Variants in STOX2 observed in about 807,000 individuals in gnomAD.
STOX2 encodes storkhead-box protein 2.
A neutral mutation model predicts 60.9 loss-of-function variants in STOX2; 28 were observed. The ratio of observed to expected loss-of-function variants is 0.46; its 90% CI spans 0.34 to 0.63. The LOEUF (loss-of-function observed/expected upper bound fraction) is 0.63, where lower values mean the gene tolerates loss of function less well. Ranked by LOEUF, STOX2 falls within the 30% of genes least tolerant of loss-of-function variation. The probability of loss-of-function intolerance (pLI) is 0.01; values close to 1 mark genes in which losing one functional copy is unlikely to be tolerated. For synonymous variants in STOX2, 472 were observed against 463.9 expected, an observed-to-expected ratio of 1.02 and a Z score of -0.22; for missense variants, 1,024 against 1,187.7, an observed-to-expected ratio of 0.86 and a Z score of 2.03.
chr4:183,880,970 G>A (rs919927048), intron 1 of STOX2, among the ~76,000 whole-genome samples: 2 of 152,100 alleles, frequency 1.3e-5, no homozygotes, highest in Non-Finnish European at 2.9e-5. Flanking sequence ...AGCTGTTAAC[G>A]TCTGTCTCAT....
At chr4:183,884,413 G>A (rs1042065114) in intron 1 of STOX2, among the ~76,000 whole-genome samples, 1 of 152,104 alleles carries the variant, frequency 6.6e-6, no homozygotes, top group African/African-American at 2.4e-5. Context: ...TGAGGCGGAT[G>A]GATCGCTTGA....
chr4:183,876,113 A>T (rs1289899859), intron 1 of STOX2, among the ~76,000 whole-genome samples: 3 of 152,176 alleles, frequency 2.0e-5, no homozygotes, highest in Non-Finnish European at 4.4e-5. Context: ...TGAGTTCTCC[A>T]AGAGGTGCAG....
At chr4:183,965,569 T>G (rs1355369833) in intron 1 of STOX2, among the ~76,000 whole-genome samples, 1 of 152,238 alleles carries the variant, frequency 6.6e-6, no homozygotes, top group African/African-American at 2.4e-5. Context: ...TCTGTCCTTA[T>G]GTAATGTCCT....
chr4:183,829,461 G>C (rs1171180668), intron 1 of STOX2, among the ~76,000 whole-genome samples: 1 of 152,042 alleles, frequency 6.6e-6, no homozygotes, highest in Non-Finnish European at 1.5e-5. Context: ...CAGAATCTAG[G>C]GTACTGTTAT....
rs1329253577 is a variant in STOX2, at chr4:184,019,324, G to T, written c.*2040G>T. ...TTGCTTAAATATGTCCAGAAGGAAT[G>T]ATCATGTATCTAATAGACTACATAG... On this transcript the variant is annotated 3_prime_UTR_variant, in exon 4 of 4. Coordinates refer to ENST00000308497, the MANE Select transcript of STOX2 (RefSeq NM_020225.3). The T allele has an allele frequency of 6.6e-6, 1 of 152,210 alleles. No homozygotes were observed. The highest frequency in any genetic ancestry group is 6.5e-5 in the Admixed American group (1 of 15,286). 9.4% of individuals were successfully genotyped at this position (152,210 alleles called of 1,614,324 possible). A position where few individuals can be genotyped will look rare whatever the true frequency, so the allele number is the denominator to read the frequency against.
chr4:183,942,816 G>A (rs1441841477), intron 1 of STOX2, among the ~76,000 whole-genome samples: 1 of 152,062 alleles, frequency 6.6e-6, no homozygotes, highest in African/African-American at 2.4e-5. Flanking sequence ...CTTTTTTAAT[G>A]GTTTGAAACC....
chr4:183,869,893 G>T (rs1364890158), intron 1 of STOX2, among the ~76,000 whole-genome samples: 1 of 152,084 alleles, frequency 6.6e-6, no homozygotes, highest in Non-Finnish European at 1.5e-5. Flanking sequence ...TTTTTGTACT[G>T]TATTCTGGGC....
chr4:184,017,107 T>C lies in STOX2; in HGVS notation c.2604T>C (p.Ala868=). ...FNSPRTRESL[A]SNTSSIVESN... is the part of the protein sequence containing the mutation. ...CTTTTAGTACTCGGGAGAGCCTGGC[T>C]TCCAACACATCAAGCATTGTTGAAA... The change falls in exon 4 of 4, where the codon GCT becomes GCC. Residue 868 remains alanine, a synonymous_variant. Coordinates refer to ENST00000308497, the MANE Select transcript of STOX2 (RefSeq NM_020225.3). 1 of 1,612,420 alleles carries C rather than the reference T, an allele frequency of 6.2e-7. No individual in the cohort carries two copies. Among genetic ancestry groups the C allele is most frequent in the Non-Finnish European group, 8.5e-7 (1 of 1,179,326 alleles).
At chr4:183,818,746 G>T (rs2111107995) in intron 1 of STOX2, among the ~76,000 whole-genome samples, 1 of 151,002 alleles carries the variant, frequency 6.6e-6, no homozygotes, top group African/African-American at 2.4e-5. Flanking sequence ...CTCCCTCCTG[G>T]ACAGGGCGGC....
At chr4:183,898,424 G>C (rs902015906) in intron 1 of STOX2, among the ~76,000 whole-genome samples, 1 of 152,154 alleles carries the variant, frequency 6.6e-6, no homozygotes, top group African/African-American at 2.4e-5. Flanking sequence ...ACATTTTGTG[G>C]AATGAGCAGC....
intron 1 of STOX2, among the ~76,000 whole-genome samples, chr4:183,812,898 T>C (rs1364924075): frequency 2.0e-5 from 3 of 152,256 alleles, no homozygotes; most frequent in African/African-American, 4.8e-5. Flanking sequence ...AAAAAGATTG[T>C]CCAAGCATTT....
intron 1 of STOX2, among the ~76,000 whole-genome samples, chr4:183,918,692 T>A (rs1742003062): frequency 6.6e-6 from 1 of 152,156 alleles, no homozygotes; most frequent in African/African-American, 2.4e-5. Flanking sequence ...ATGGGCCCAG[T>A]GGAATCTCAG....
At chr4:183,846,787 CT>C (rs1290985112) in intron 1 of STOX2, among the ~76,000 whole-genome samples, 2 of 151,866 alleles carry the variant, frequency 1.3e-5, no homozygotes, top group African/African-American at 4.8e-5. Context: ...CATATCTTTT[CT>C]TTTTTTCCTG....
intron 1 of STOX2, among the ~76,000 whole-genome samples, chr4:183,992,915 T>TC (rs1308425604): frequency 1.1e-4 from 16 of 152,374 alleles, no homozygotes; most frequent in African/African-American, 3.6e-4. Context: ...TGATGGGTTA[T>TC]AGTGTGGAGC....
chr4:183,839,978 A>G (rs1292474992), intron 1 of STOX2, among the ~76,000 whole-genome samples: 1 of 152,140 alleles, frequency 6.6e-6, no homozygotes, highest in Non-Finnish European at 1.5e-5. Flanking sequence ...TTCGAGTAAC[A>G]CAAAGGCCTG....
At chr4:183,913,416 G>A (rs1741838996) in intron 1 of STOX2, among the ~76,000 whole-genome samples, 1 of 152,106 alleles carries the variant, frequency 6.6e-6, no homozygotes, top group African/African-American at 2.4e-5. Flanking sequence ...GAGGCTGGGA[G>A]ACCAGAGGGG....
At chr4:183,881,633 G>A (rs6841627) in intron 1 of STOX2, among the ~76,000 whole-genome samples, 22,369 of 152,158 alleles carry the variant, frequency 0.15, 2,116 homozygotes, top group African/African-American at 0.26. Context: ...ATTACACAGC[G>A]GGGCATAGAA....
intron 1 of STOX2, among the ~76,000 whole-genome samples, chr4:183,823,719 C>T (rs976559738): frequency 1.3e-5 from 2 of 152,188 alleles, no homozygotes; most frequent in South Asian, 2.1e-4. Context: ...GCCCATCTGG[C>T]GGAGGCTGCC....
intron 1 of STOX2, among the ~76,000 whole-genome samples, chr4:183,952,083 C>T (rs2111147957): frequency 6.6e-6 from 1 of 152,316 alleles, no homozygotes; most frequent in South Asian, 2.1e-4. Flanking sequence ...CACTCTCTTT[C>T]TTGGAAAACT....
Sources: allele counts gnomAD v4.1 joint callset (sites outside exome capture counted in the v4.1 genomes callset), GRCh38; gene constraint gnomAD v4.1.1; transcripts MANE v1.5; gene names NCBI Gene and HGNC (gene_info 2026-07-23, HGNC 2026-07-21).